GSAP: variants seen among roughly 807,000 people sequenced by gnomAD.
The protein encoded by GSAP is gamma-secretase activating protein.
In GSAP, 118 loss-of-function variants were observed where a neutral mutation model predicts 131.7. The ratio of observed to expected loss-of-function variants is 0.90; its 90% confidence interval spans 0.77 to 1.04. GSAP has a LOEUF of 1.04. Ranked by LOEUF, GSAP falls within the 50% of genes least tolerant of loss-of-function variation. The pLI is 0.00. For synonymous variants in GSAP, 381 were observed against 363.4 expected (o/e 1.05, Z -0.55); for missense variants, 1,019 against 1,013.2 (o/e 1.01, Z -0.08).
chr7:77,336,261 TGCTAA>T (rs1259067726), intron 19 of GSAP, among the ~76,000 whole-genome samples: 7 of 151,870 alleles, frequency 4.6e-5, no homozygotes, highest in Non-Finnish European at 7.4e-5. Context: ...AGAAAGTCAA[TGCTAA>T]GCTCTTTCCC....
intron 12 of GSAP, among the ~76,000 whole-genome samples, chr7:77,371,497 T>C (rs1388192521): frequency 6.6e-6 from 1 of 150,416 alleles, no homozygotes; most frequent in Non-Finnish European, 1.5e-5. Flanking sequence ...TGCAGTGGTG[T>C]GACCTCAGCT....
At chr7:77,326,876 T>C (rs1214354691) in intron 22 of GSAP, 1 of 152,206 alleles carries the variant, frequency 6.6e-6, no homozygotes, top group African/African-American at 2.4e-5. Context: ...ACAAACCCAG[T>C]CTTGCTGGAA....
At chr7:77,342,127 T>TG (rs1013837156) in intron 19 of GSAP, among the ~76,000 whole-genome samples, 1 of 147,326 alleles carries the variant, frequency 6.8e-6, no homozygotes, top group Non-Finnish European at 1.5e-5. Context: ...CAAGGCTCTC[T>TG]GACTGACTCC....
At chr7:77,405,527 A>C (rs1157412382) in intron 2 of GSAP, among the ~76,000 whole-genome samples, 1 of 149,686 alleles carries the variant, frequency 6.7e-6, no homozygotes, top group Non-Finnish European at 1.5e-5. Flanking sequence ...AGAAACATTT[A>C]ATATTTAAAA....
At chr7:77,376,229 T>C (rs1289013762) in intron 10 of GSAP, among the ~76,000 whole-genome samples, 1 of 152,192 alleles carries the variant, frequency 6.6e-6, no homozygotes. Flanking sequence ...TTTAAATGAT[T>C]AGAAACTGCA....
intron 26 of GSAP, among the ~76,000 whole-genome samples, chr7:77,316,988 C>T (rs1795029553): frequency 2.0e-5 from 3 of 152,156 alleles, no homozygotes; most frequent in Non-Finnish European, 1.5e-5. Context: ...CTCTGACAAT[C>T]GTAACTCAAA....
At chr7:77,324,029 T>C (rs1787992674) in intron 23 of GSAP, among the ~76,000 whole-genome samples, 1 of 152,204 alleles carries the variant, frequency 6.6e-6, no homozygotes, top group African/African-American at 2.4e-5. Context: ...ACAGTGAAAG[T>C]CACCAACTTA....
intron 8 of GSAP, among the ~76,000 whole-genome samples, chr7:77,379,538 T>C (rs1797476459): frequency 6.6e-6 from 1 of 152,076 alleles, no homozygotes; most frequent in African/African-American, 2.4e-5. Context: ...TGCTGACAGG[T>C]GTCCCCACCA....
chr7:77,315,951 A>G (rs929988669), intron 26 of GSAP: 4 of 152,240 alleles, frequency 2.6e-5, no homozygotes, highest in African/African-American at 9.6e-5. Context: ...AATTACAAAA[A>G]ATAGACATTT....
At chr7:77,370,433 C>T (rs1795954227) in intron 12 of GSAP, among the ~76,000 whole-genome samples, 1 of 152,106 alleles carries the variant, frequency 6.6e-6, no homozygotes, top group Admixed American at 6.5e-5. Context: ...TGCACTCCAA[C>T]CTAGGCAACA....
At chr7:77,340,172 A>T (rs1413124177) in intron 19 of GSAP, among the ~76,000 whole-genome samples, 7 of 152,128 alleles carry the variant, frequency 4.6e-5, no homozygotes. Flanking sequence ...CTTGTGACAC[A>T]CGCCCCTGCC....
intron 13 of GSAP, among the ~76,000 whole-genome samples, chr7:77,361,253 C>A (rs532953199): frequency 1.3e-5 from 2 of 152,348 alleles, no homozygotes; most frequent in Non-Finnish European, 2.9e-5. Flanking sequence ...CCGCCACACA[C>A]GTGCAGTCAT....
At chr7:77,344,119 C>T (rs1003178025) in intron 19 of GSAP, among the ~76,000 whole-genome samples, 4 of 152,154 alleles carry the variant, frequency 2.6e-5, no homozygotes, top group Non-Finnish European at 5.9e-5. Flanking sequence ...CGAAGGCCAC[C>T]GTGGTCATTT....
chr7:77,320,060 T>C (rs868289633), intron 26 of GSAP, among the ~76,000 whole-genome samples: 27 of 152,290 alleles, frequency 1.8e-4, no homozygotes, highest in East Asian at 9.6e-4. Context: ...TGAACTGATA[T>C]GTAATGAGCA....
chr7:77,383,398 G>T (rs1359766795), intron 6 of GSAP, among the ~76,000 whole-genome samples: 2 of 151,984 alleles, frequency 1.3e-5, no homozygotes, highest in Non-Finnish European at 2.9e-5. Context: ...TGAGAGCCAA[G>T]TAAATATATT....
chr7:77,320,915 C>A, intron 25 of GSAP, 96 bp from the exon 26 acceptor site: 1 of 734,980 alleles, frequency 1.4e-6, no homozygotes, highest in East Asian at 2.6e-5. Flanking sequence ...CACAAGGGTT[C>A]ATGCTAATCA....
chr7:77,340,704 C>T (rs899250011), intron 19 of GSAP, among the ~76,000 whole-genome samples: 10 of 152,154 alleles, frequency 6.6e-5, no homozygotes, highest in East Asian at 5.8e-4. Context: ...GCTGCGGGGA[C>T]GCCTGCCTGA....
chr7:77,404,912 T>C (rs1442255908), intron 2 of GSAP, among the ~76,000 whole-genome samples: 1 of 152,166 alleles, frequency 6.6e-6, no homozygotes, highest in Non-Finnish European at 1.5e-5. Flanking sequence ...ACACATATGA[T>C]AGATAATAGG....
chr7:77,412,550 C>T (rs943297095), intron 1 of GSAP, among the ~76,000 whole-genome samples: 2 of 151,992 alleles, frequency 1.3e-5, no homozygotes, highest in Non-Finnish European at 2.9e-5. Context: ...AAGGCACCAT[C>T]ACAAACCGAA....
Sources: allele counts gnomAD v4.1 joint callset (sites outside exome capture counted in the v4.1 genomes callset), GRCh38; gene constraint gnomAD v4.1.1; transcripts MANE v1.5; gene names NCBI Gene and HGNC (gene_info 2026-07-23, HGNC 2026-07-21).